NRXN3: variants seen among roughly 807,000 people sequenced by gnomAD.
The protein encoded by NRXN3 is neurexin III.
NRXN3 carries 32 observed loss-of-function variants against 137.6 expected under a neutral mutation model. The ratio of observed to expected loss-of-function variants is 0.23; its 90% CI spans 0.18 to 0.31. The LOEUF (loss-of-function observed/expected upper bound fraction) is 0.31. NRXN3 is among the 10% of genes least tolerant of loss of function. The probability of loss-of-function intolerance (pLI) is 1.00; values close to 1 mark genes in which losing one functional copy is unlikely to be tolerated. For synonymous variants in NRXN3, 798 were observed against 784.5 expected, an observed-to-expected ratio of 1.02 and a Z score of -0.29; for missense variants, 1,574 against 2,062.5, an observed-to-expected ratio of 0.76 and a Z score of 4.59.
At chr14:79,733,171 A>G (rs2098930000) in intron 19 of NRXN3, among the ~76,000 whole-genome samples, 1 of 152,222 alleles carries the variant, frequency 6.6e-6, no homozygotes, top group African/African-American at 2.4e-5. Context: ...GACAGACTCC[A>G]TATTCATAAA....
At chr14:79,192,133 C>T (rs4903840) in intron 15 of NRXN3, among the ~76,000 whole-genome samples, 5,415 of 152,166 alleles carry the variant, frequency 0.036, 233 homozygotes, top group East Asian at 0.21. Context: ...GTGATCTGCC[C>T]ACCTCGGCCT....
chr14:79,115,625 T>C (rs1003068349), intron 15 of NRXN3, among the ~76,000 whole-genome samples: 2 of 152,208 alleles, frequency 1.3e-5, no homozygotes, highest in Non-Finnish European at 2.9e-5. Context: ...GAGAAATGTG[T>C]CTTATTATTC....
At chr14:79,501,431 C>T (rs1407080123) in intron 16 of NRXN3, among the ~76,000 whole-genome samples, 3 of 152,098 alleles carry the variant, frequency 2.0e-5, no homozygotes, top group Non-Finnish European at 4.4e-5. Flanking sequence ...AAGCTGTCAC[C>T]AACCTGACCT....
chr14:78,494,702 C>G (rs2095740025), intron 4 of NRXN3, among the ~76,000 whole-genome samples: 1 of 152,102 alleles, frequency 6.6e-6, no homozygotes, highest in East Asian at 1.9e-4. Context: ...AGAGATATCT[C>G]CAGGCTACTT....
At chr14:78,455,260 G>A (rs1011581768) in intron 4 of NRXN3, among the ~76,000 whole-genome samples, 3 of 152,160 alleles carry the variant, frequency 2.0e-5, no homozygotes, top group African/African-American at 7.2e-5. Flanking sequence ...TGGACCCTGG[G>A]GGAGCTTCCA....
chr14:78,417,114 GC>G, intron 4 of NRXN3, among the ~76,000 whole-genome samples: 1 of 152,172 alleles, frequency 6.6e-6, no homozygotes, highest in East Asian at 1.9e-4. Flanking sequence ...AACTATGCTG[GC>G]CCCCGGCTTA....
chr14:79,011,429 GAAAAA>G (rs759463585), intron 15 of NRXN3, among the ~76,000 whole-genome samples: 1 of 41,356 alleles, frequency 2.4e-5, no homozygotes, highest in Admixed American at 3.5e-4. Flanking sequence ...GTTGGTCCAG[GAAAAA>G]AAAAAAAAAA....
chr14:78,601,391 G>A (rs1231920363), intron 4 of NRXN3, among the ~76,000 whole-genome samples: 2 of 151,866 alleles, frequency 1.3e-5, no homozygotes, highest in African/African-American at 2.4e-5. Context: ...TCCTATGATG[G>A]CGAGCTTATG....
chr14:78,362,660 T>A (rs2085305752), intron 4 of NRXN3, among the ~76,000 whole-genome samples: 1 of 152,276 alleles, frequency 6.6e-6, no homozygotes, highest in Non-Finnish European at 1.5e-5. Context: ...TTATAAAAAA[T>A]TGCATAAATC....
intron 4 of NRXN3, among the ~76,000 whole-genome samples, chr14:78,494,620 G>A (rs961534936): frequency 6.6e-6 from 1 of 152,012 alleles, no homozygotes; most frequent in Non-Finnish European, 1.5e-5. Context: ...ACTAATGTCT[G>A]AATTACTTAG....
chr14:79,761,826 C>A (rs966262192), intron 19 of NRXN3, among the ~76,000 whole-genome samples: 1 of 151,206 alleles, frequency 6.6e-6, no homozygotes, highest in African/African-American at 2.5e-5. Context: ...AAAGGAAAAT[C>A]TTTAGCTTTT....
chr14:79,005,640 ACT>A (rs963595648), intron 15 of NRXN3, among the ~76,000 whole-genome samples: 2 of 151,664 alleles, frequency 1.3e-5, no homozygotes, highest in African/African-American at 4.8e-5. Flanking sequence ...CTGTGGGAAA[ACT>A]CTCTTCCCCA....
intron 3 of NRXN3, among the ~76,000 whole-genome samples, chr14:78,284,292 T>A (rs966523705): frequency 2.6e-5 from 4 of 152,198 alleles, no homozygotes; most frequent in Admixed American, 2.0e-4. Context: ...CTCACCTTTC[T>A]GTGACGTGGA....
At chr14:79,793,000 C>T (rs1248481052) in intron 19 of NRXN3, among the ~76,000 whole-genome samples, 1 of 152,120 alleles carries the variant, frequency 6.6e-6, no homozygotes, top group Non-Finnish European at 1.5e-5. Flanking sequence ...AGAGAATACT[C>T]TCTGGAATGT....
intron 10 of NRXN3, among the ~76,000 whole-genome samples, chr14:78,918,310 GA>G (rs2099262114): frequency 8.0e-6 from 1 of 124,784 alleles, no homozygotes; most frequent in African/African-American, 3.8e-5. Flanking sequence ...AAAAAAAAGA[GA>G]GAGAGAGAGA....
chr14:78,388,904 AT>A (rs915908096), intron 4 of NRXN3, among the ~76,000 whole-genome samples: 6 of 151,912 alleles, frequency 3.9e-5, no homozygotes, highest in African/African-American at 7.3e-5. Context: ...TCAATTCATC[AT>A]TTTTTATATA....
chr14:78,482,532 A>G (rs999820757), intron 4 of NRXN3, among the ~76,000 whole-genome samples: 1 of 152,216 alleles, frequency 6.6e-6, no homozygotes, highest in Non-Finnish European at 1.5e-5. Context: ...TGAGCCCATT[A>G]TAAGACCTCA....
intron 15 of NRXN3, among the ~76,000 whole-genome samples, chr14:79,007,397 T>C (rs1357707698): frequency 6.6e-6 from 1 of 151,674 alleles, no homozygotes; most frequent in Non-Finnish European, 1.5e-5. Flanking sequence ...GTAGTGATGT[T>C]AGGGACAGTT....
intron 15 of NRXN3, among the ~76,000 whole-genome samples, chr14:79,292,131 G>A (rs914126147): frequency 2.0e-5 from 3 of 152,148 alleles, no homozygotes; most frequent in African/African-American, 7.2e-5. Flanking sequence ...TGCAAATGTA[G>A]AACAGTTCCC....
Sources: gnomAD v4.1 joint callset for allele counts (sites outside exome capture counted in the v4.1 genomes callset) on GRCh38, gnomAD v4.1.1 for gene constraint, MANE v1.5 for transcripts, NCBI Gene and HGNC (gene_info 2026-07-23, HGNC 2026-07-21) for gene names.